MEGF11: variants seen among roughly 807,000 people sequenced by gnomAD.
The protein encoded by MEGF11 is multiple EGF like domains 11.
Under a neutral mutation model 146.6 loss-of-function variants are expected in MEGF11, and 126 were observed. That is an observed-to-expected ratio of 0.86 (90% confidence interval 0.74 to 1.00). The LOEUF (loss-of-function observed/expected upper bound fraction) is 1.00, where lower values mean the gene tolerates loss of function less well. Among genes scored for constraint, MEGF11 ranks in the 50% least tolerant of loss-of-function variants. The pLI is 0.00. For synonymous variants in MEGF11, 532 were observed against 583.4 expected, an observed-to-expected ratio of 0.91 and a Z score of 1.27; for missense variants, 1,509 against 1,521.2, an observed-to-expected ratio of 0.99 and a Z score of 0.13.
chr15:66,082,727 C>A (rs1348200308), intron 5 of MEGF11, among the ~76,000 whole-genome samples: 1 of 143,838 alleles, frequency 7.0e-6, no homozygotes, highest in Non-Finnish European at 1.5e-5. Flanking sequence ...GAAGCATTTG[C>A]ACACAGCGGG....
chr15:66,150,511 C>T (rs988359479), intron 1 of MEGF11, among the ~76,000 whole-genome samples: 2 of 151,964 alleles, frequency 1.3e-5, no homozygotes, highest in Admixed American at 6.6e-5. Flanking sequence ...ATTGTGATGA[C>T]ATTAACTGCA....
chr15:66,161,801 A>G (rs956229506), intron 1 of MEGF11, among the ~76,000 whole-genome samples: 12 of 152,196 alleles, frequency 7.9e-5, no homozygotes, highest in African/African-American at 2.9e-4. Context: ...CTATGTGCCA[A>G]CCATGGTTCT....
intron 10 of MEGF11, among the ~76,000 whole-genome samples, chr15:65,934,239 TTTTGTTTGTTTG>T (rs369614003): frequency 6.6e-6 from 1 of 151,712 alleles, no homozygotes; most frequent in Non-Finnish European, 1.5e-5. Flanking sequence ...CAAAGTGAGT[TTTTGTTTGTTTG>T]TTTGTTTGTT....
chr15:66,101,444 AG>A (rs2086804420), intron 4 of MEGF11, among the ~76,000 whole-genome samples: 1 of 152,128 alleles, frequency 6.6e-6, no homozygotes. Flanking sequence ...CACTTCCTCC[AG>A]GAAGCTTCCC....
chr15:65,922,315 T>G, intron 15 of MEGF11, 23 bp downstream of exon 15: 1 of 1,604,234 alleles, frequency 6.2e-7, no homozygotes, highest in Non-Finnish European at 8.5e-7. Context: ...CCCCACCCAG[T>G]ACCTTCCCAC....
At chr15:65,928,356 C>G in intron 13 of MEGF11, 69 bp downstream of exon 13, 3 of 1,040,092 alleles carry the variant, frequency 2.9e-6, no homozygotes, top group Non-Finnish European at 4.2e-6. Flanking sequence ...AGAAAACGGT[C>G]AAGAGAAGTA....
At chr15:65,928,629 G>T in intron 12 of MEGF11, 102 bp from the exon 13 acceptor site, 1 of 714,284 alleles carries the variant, frequency 1.4e-6, no homozygotes, top group Non-Finnish European at 2.2e-6. Flanking sequence ...GGAGGGTCCA[G>T]TGAGATCTAC....
intron 5 of MEGF11, among the ~76,000 whole-genome samples, chr15:65,983,513 A>T (rs928831461): frequency 6.6e-6 from 1 of 152,158 alleles, no homozygotes; most frequent in African/African-American, 2.4e-5. Context: ...GGCACACATA[A>T]TGTTCTGGGA....
intron 4 of MEGF11, among the ~76,000 whole-genome samples, chr15:66,097,306 G>A (rs2086596231): frequency 6.6e-6 from 1 of 152,180 alleles, no homozygotes; most frequent in South Asian, 2.1e-4. Flanking sequence ...TAGGGAGGAT[G>A]GAGGTGGCCA....
At chr15:66,037,693 C>T (rs2083778894) in intron 5 of MEGF11, among the ~76,000 whole-genome samples, 1 of 152,228 alleles carries the variant, frequency 6.6e-6, no homozygotes, top group Non-Finnish European at 1.5e-5. Context: ...CTCCCACCAT[C>T]CTGGCAGCCC....
chr15:66,005,746 G>A (rs1032303491), intron 5 of MEGF11, among the ~76,000 whole-genome samples: 2 of 152,224 alleles, frequency 1.3e-5, no homozygotes, highest in African/African-American at 4.8e-5. Context: ...CTGAGGGACA[G>A]TGTCATCGTG....
At chr15:65,928,605 T>C in intron 12 of MEGF11, 78 bp from the exon 13 acceptor site, 1 of 1,019,032 alleles carries the variant, frequency 9.8e-7, no homozygotes, top group African/African-American at 1.6e-5. Flanking sequence ...ATCTTTTCTT[T>C]AATTTTTACT....
intron 10 of MEGF11, among the ~76,000 whole-genome samples, chr15:65,936,057 A>G (rs1205347759): frequency 6.6e-6 from 1 of 152,172 alleles, no homozygotes; most frequent in Non-Finnish European, 1.5e-5. Flanking sequence ...CTTAATCATG[A>G]TGGTCTGTGT....
Position 66,247,171 on chromosome 15 carries a change from C to T in MEGF11, c.-9+6434G>A, listed in dbSNP as rs114930050. Among the ~76,000 whole-genome samples, 725 of 152,286 alleles carry T rather than the reference C, an allele frequency of 4.8e-3. 6 individuals carry two copies. Among genetic ancestry groups the T allele is most frequent in the African/African-American group, 0.016 (672 of 41,550 alleles). On this transcript the variant is annotated intron_variant, in intron 1 of 25. Coordinates refer to ENST00000395614, the MANE Select transcript of MEGF11 (RefSeq NM_001385028.1). ...AGGAAGCCTTCCCTAGCTACTATGG[C>T]TCCCATTGATGTTATGCTCCTCCTA...
At chr15:66,025,163 ACT>A (rs1281015525) in intron 5 of MEGF11, among the ~76,000 whole-genome samples, 1 of 151,914 alleles carries the variant, frequency 6.6e-6, no homozygotes, top group Non-Finnish European at 1.5e-5. Context: ...GCCAAATTGA[ACT>A]CTCTCTTCCA....
chr15:66,023,632 C>T (rs890310234), intron 5 of MEGF11, among the ~76,000 whole-genome samples: 1 of 152,242 alleles, frequency 6.6e-6, no homozygotes, highest in Non-Finnish European at 1.5e-5. Context: ...TGTCTCTGCT[C>T]GTTGCAGAGT....
At chr15:66,104,330 C>T (rs917908005) in intron 4 of MEGF11, among the ~76,000 whole-genome samples, 1 of 152,214 alleles carries the variant, frequency 6.6e-6, no homozygotes, top group Non-Finnish European at 1.5e-5. Context: ...AGGCCTGTGA[C>T]AGCCTGTTTG....
intron 5 of MEGF11, among the ~76,000 whole-genome samples, chr15:66,074,109 T>C (rs1680364375): frequency 6.6e-6 from 1 of 152,218 alleles, no homozygotes; most frequent in South Asian, 2.1e-4. Context: ...TATCCCTCCC[T>C]AGCCCATCTT....
chr15:66,252,850 G>A (rs1232796945), intron 1 of MEGF11, among the ~76,000 whole-genome samples: 1 of 152,184 alleles, frequency 6.6e-6, no homozygotes, highest in Non-Finnish European at 1.5e-5. Context: ...TGGGAACTTC[G>A]GGACCACGCT....
Sources: gnomAD v4.1 joint callset for allele counts (sites outside exome capture counted in the v4.1 genomes callset) on GRCh38, gnomAD v4.1.1 for gene constraint, MANE v1.5 for transcripts, NCBI Gene and HGNC (gene_info 2026-07-23, HGNC 2026-07-21) for gene names.